The following PCDHGB5 variants were observed in gnomAD, a reference collection of about 807,000 sequenced individuals.
PCDHGB5 encodes the protein protocadherin gamma-B5.
In PCDHGB5, 48 loss-of-function variants were observed where a neutral mutation model predicts 62.9. The observed-to-expected ratio is 0.76, with a 90% CI of 0.61 to 0.97. The LOEUF is 0.97. PCDHGB5 is among the 50% of genes least tolerant of loss of function. The pLI is 0.00. For synonymous variants in PCDHGB5, 474 were observed against 511.2 expected (o/e 0.93, Z 0.98); for missense variants, 1,118 against 1,198.6 (o/e 0.93, Z 0.99).
chr5:141,490,344 AGTGGGGTTGTTTAAT>A lies in PCDHGB5; in HGVS notation c.2398-4459_2398-4445del. The A allele has an allele frequency of 6.2e-7, 1 of 1,614,178 alleles. No individual in the cohort carries two copies. The highest frequency in any genetic ancestry group is 8.5e-7 in the Non-Finnish European group (1 of 1,180,030). ...TAGAGAGCACACCAGTGGGCACAGT[AGTGGGGTTGTTTAAT>A]GTGCGAGACCGGGACTCAGGTAGAA... On this transcript the variant is annotated intron_variant, in intron 1 of 3. Coordinates refer to ENST00000617380, the MANE Select transcript of PCDHGB5 (RefSeq NM_018925.3). This position sits in a 1 kb window ranked among gnomAD's most constrained non-coding sequence, Gnocchi z 5.4.
At chr5:141,496,698 C>T (rs2099770595) in intron 2 of PCDHGB5, among the ~76,000 whole-genome samples, 1 of 152,196 alleles carries the variant, frequency 6.6e-6, no homozygotes, top group Non-Finnish European at 1.5e-5. Context: ...CCAACCTTCT[C>T]ATAAGTTATC....
chr5:141,422,066 A>G, intron 1 of PCDHGB5: 1 of 1,612,154 alleles, frequency 6.2e-7, no homozygotes. Context: ...GAAGTAATGT[A>G]TTCATTTCGG....
chr5:141,469,354 A>G (rs1160934469), intron 1 of PCDHGB5, among the ~76,000 whole-genome samples: 1 of 152,128 alleles, frequency 6.6e-6, no homozygotes, highest in Non-Finnish European at 1.5e-5. Flanking sequence ...AGGTGGATGG[A>G]TCATGAGGTA....
intron 1 of PCDHGB5, among the ~76,000 whole-genome samples, chr5:141,482,057 C>A (rs2099551189): frequency 6.7e-6 from 1 of 149,978 alleles, no homozygotes; most frequent in Non-Finnish European, 1.5e-5. Flanking sequence ...TGCATTCCAG[C>A]CTGGGCAACA....
At chr5:141,418,855 A>C in intron 1 of PCDHGB5, 1 of 1,614,042 alleles carries the variant, frequency 6.2e-7, no homozygotes, top group Non-Finnish European at 8.5e-7. Context: ...CACGGTGTAA[A>C]GTAATTGTAG....
chr5:141,434,209 A>G (rs946478332), intron 1 of PCDHGB5, among the ~76,000 whole-genome samples: 17 of 152,216 alleles, frequency 1.1e-4, no homozygotes, highest in African/African-American at 4.1e-4. Flanking sequence ...TACTTCTGTC[A>G]GTGTAAACAA....
At position 141,423,654 on chromosome 5, in the gene PCDHGB5, T is replaced by C. The variant is rs768410507; in HGVS notation, c.2397+23130T>C. The C allele has an allele frequency of 6.3e-6, 10 of 1,583,982 alleles. No individual in the cohort carries two copies. The Admixed American group carries it at 1.8e-4, about 28-fold the overall frequency. ...TTTTAGGCAAATGTGACCCGACAAG[T>C]AATCAGGTGAGATTTATTTCTCTGC... On this transcript the variant is annotated intron_variant, in intron 1 of 3. Transcript: ENST00000617380.
chr5:141,457,899 C>CA (rs2098931976), intron 1 of PCDHGB5, among the ~76,000 whole-genome samples: 1 of 148,818 alleles, frequency 6.7e-6, no homozygotes, highest in Admixed American at 6.7e-5. Context: ...ACTGTGTAGA[C>CA]AAGGTGTGAG....
In PCDHGB5 at chr5:141,399,908, C is replaced by T. The variant is rs141997055; in HGVS notation, c.1781C>T (p.Ser594Leu). 17,269 of 1,612,412 alleles carry T rather than the reference C, an allele frequency of 0.011. 105 individuals are homozygous for T. Among genetic ancestry groups the T allele is most frequent in the Non-Finnish European group, 0.012 (14,309 of 1,179,754 alleles). The change falls in exon 1 of 4, where the codon TCA (serine) becomes TTA (leucine). Residue 594 changes from serine (S) to leucine (L), a missense_variant. By Grantham distance (145) the Ser-to-Leu change is moderately radical. Transcript: ENST00000617380. ...VTKVVAVDAD[S>L]GHNAWLSYHV... ...AAGGTAGTGGCCGTGGACGCAGACT[C>T]AGGACACAACGCCTGGCTGTCCTAC... is the stretch of plus-strand genomic sequence containing the variant.
At chr5:141,420,748 C>G (rs2096523185) in intron 1 of PCDHGB5, among the ~76,000 whole-genome samples, 1 of 152,214 alleles carries the variant, frequency 6.6e-6, no homozygotes, top group Non-Finnish European at 1.5e-5. Context: ...TTGGAACCAA[C>G]TACAACCTAC....
rs2099521625 is a variant in PCDHGB5, at chr5:141,480,568, G to A, written c.2398-14239G>A. 2.0e-5 allele frequency among the ~76,000 whole-genome samples: 3 copies of A among 152,338 alleles called. No individual in the cohort carries two copies. The South Asian group carries it at 6.2e-4, about 32-fold the overall frequency. Reference sequence around the variant, plus strand: ...AAAGGCTAAGAAAGCATGAAAGCCAGCAAGAAATAACTGCCGCTCTTCTGG... The same window carrying A: ...AAAGGCTAAGAAAGCATGAAAGCCAACAAGAAATAACTGCCGCTCTTCTGG... On this transcript the variant is annotated intron_variant, in intron 1 of 3. Coordinates refer to ENST00000617380, the MANE Select transcript of PCDHGB5 (RefSeq NM_018925.3).
chr5:141,431,506 G>T lies in PCDHGB5; in HGVS notation c.2397+30982G>T. 1.2e-6 allele frequency: 2 copies of T among 1,613,988 alleles called. No homozygotes were observed. Among genetic ancestry groups the T allele is most frequent in the South Asian group, 2.2e-5 (2 of 91,084 alleles). The stretch of plus-strand genomic sequence containing the variant: ...CGTTTGCTCAGCCCGAGTACCGCGC[G>T]AGCGTTCCGGAGAATCTGGCCTTGG... On this transcript the variant is annotated intron_variant, in intron 1 of 3. Coordinates refer to ENST00000617380, the MANE Select transcript of PCDHGB5 (RefSeq NM_018925.3). This position sits in a 1 kb window ranked among gnomAD's most constrained non-coding sequence, Gnocchi z 4.8.
chr5:141,407,505 T>TTTTTTTTTTTTTTTTTTTTTTG (rs1460306566), intron 1 of PCDHGB5, among the ~76,000 whole-genome samples: 3 of 152,144 alleles, frequency 2.0e-5, no homozygotes, highest in African/African-American at 4.8e-5. Flanking sequence ...CTGTTTTTCT[T>TTTTTTTTTTTTTTTTTTTTTTG]AGGCTATGTA....
In PCDHGB5 at chr5:141,432,198, AC is replaced by A. The variant is rs1345236539; in HGVS notation, c.2397+31675del. ...GTCTCTGTGACCGCCCACGACCCCG[AC>A]TGTGAAGAGAACGCCCAGATCACTT... is the stretch of plus-strand genomic sequence containing the variant. On this transcript the variant is annotated intron_variant, in intron 1 of 3. Coordinates refer to ENST00000617380, the MANE Select transcript of PCDHGB5 (RefSeq NM_018925.3). This position sits in a 1 kb window ranked among gnomAD's most constrained non-coding sequence, Gnocchi z 6.0. 6 of 1,613,998 alleles carry A rather than the reference AC, an allele frequency of 3.7e-6. No homozygotes were observed. Among genetic ancestry groups the A allele is most frequent in the Non-Finnish European group, 4.2e-6 (5 of 1,180,030 alleles).
chr5:141,444,240 C>T (rs1017550385), intron 1 of PCDHGB5, among the ~76,000 whole-genome samples: 4 of 128,690 alleles, frequency 3.1e-5, no homozygotes, highest in African/African-American at 5.9e-5. Context: ...GGCATGCTCT[C>T]GGCTCACTGC....
intron 1 of PCDHGB5, chr5:141,405,642 T>C (rs2094697537): frequency 1.9e-6 from 1 of 528,606 alleles, no homozygotes; most frequent in Non-Finnish European, 3.3e-6. Flanking sequence ...GCCCGGCTAA[T>C]TTTTTGTGTG....
intron 1 of PCDHGB5, chr5:141,427,797 G>A (rs1194658203): frequency 6.0e-6 from 9 of 1,505,188 alleles, no homozygotes; most frequent in Admixed American, 3.4e-5. Context: ...CTACGTGTCC[G>A]TGAGCGCACA....
Position 141,487,631 on chromosome 5 carries a change from G to T in PCDHGB5, c.2398-7176G>T. Reference sequence around the variant, plus strand: ...TGGGCTAGAGGTGAGACCTTTGCAGGCTCAACAAATGCTTGAGGGTTATTC... The same window carrying T: ...TGGGCTAGAGGTGAGACCTTTGCAGTCTCAACAAATGCTTGAGGGTTATTC... On this transcript the variant is annotated intron_variant, in intron 1 of 3. Transcript: ENST00000617380. The surrounding 1 kb of genome is among the most constrained non-coding windows in gnomAD (Gnocchi z 5.0). The T allele has an allele frequency of 6.2e-7, 1 of 1,614,176 alleles. No individual in the cohort carries two copies. Among genetic ancestry groups the T allele is most frequent in the Non-Finnish European group, 8.5e-7 (1 of 1,180,032 alleles).
intron 1 of PCDHGB5, among the ~76,000 whole-genome samples, chr5:141,481,250 C>A (rs1160186962): frequency 2.6e-5 from 4 of 152,144 alleles, no homozygotes; most frequent in Non-Finnish European, 5.9e-5. Context: ...TAGCATAGCT[C>A]TAAAAGATCA....
Sources: allele counts gnomAD v4.1 joint callset (sites outside exome capture counted in the v4.1 genomes callset), GRCh38; gene constraint gnomAD v4.1.1; non-coding constraint Gnocchi (gnomAD v3.1); transcripts MANE v1.5; gene names NCBI Gene and HGNC (gene_info 2026-07-23, HGNC 2026-07-21).